The following CD109 variants were observed in gnomAD, a reference collection of about 807,000 sequenced individuals.
CD109 encodes CD109 antigen.
In CD109, 149 loss-of-function variants were observed where a neutral mutation model predicts 165.8. The ratio of observed to expected loss-of-function variants is 0.90; its 90% CI spans 0.79 to 1.03. The LOEUF (loss-of-function observed/expected upper bound fraction) is 1.03. Ranked by LOEUF, CD109 falls within the 50% of genes least tolerant of loss-of-function variation. The pLI is 0.00. For synonymous variants in CD109, 585 were observed against 592.1 expected (o/e 0.99, Z 0.18); for missense variants, 1,712 against 1,677.8 (o/e 1.02, Z -0.36).
chr6:73,802,802 C>T (rs938613589), intron 23 of CD109, among the ~76,000 whole-genome samples: 77 of 151,036 alleles, frequency 5.1e-4, no homozygotes, highest in African/African-American at 1.6e-3. Flanking sequence ...TGGGTTCAAG[C>T]GATTCTCCTG....
At chr6:73,726,751 G>T (rs770143963) in intron 3 of CD109, among the ~76,000 whole-genome samples, 1 of 152,058 alleles carries the variant, frequency 6.6e-6, no homozygotes, top group Non-Finnish European at 1.5e-5. Context: ...CGAAATAGAT[G>T]TGCCTAAGTG....
intron 2 of CD109, among the ~76,000 whole-genome samples, chr6:73,708,506 A>G (rs1007363963): frequency 5.9e-5 from 9 of 152,204 alleles, no homozygotes; most frequent in Non-Finnish European, 1.0e-4. Flanking sequence ...TCCTTTGGGT[A>G]TATACCCAGT....
intron 3 of CD109, among the ~76,000 whole-genome samples, chr6:73,727,314 T>C (rs896611789): frequency 1.3e-5 from 2 of 152,020 alleles, no homozygotes; most frequent in African/African-American, 4.8e-5. Context: ...TGATGCCCCA[T>C]GCTTCATACA....
chr6:73,688,792 C>G, the CD109 span, among the ~76,000 whole-genome samples: 1 of 83,906 alleles, frequency 1.2e-5, no homozygotes, highest in Non-Finnish European at 2.1e-5. Context: ...TTTTTTGAGA[C>G]AGGGTCTCCT....
chr6:73,696,068 T>A (rs1562014903), upstream of CD109: 1 of 703,164 alleles, frequency 1.4e-6, no homozygotes, highest in Non-Finnish European at 2.4e-6. Context: ...AATTTAGATC[T>A]CTCACTCTGC....
chr6:73,710,774 A>G (rs1314887290), intron 2 of CD109, among the ~76,000 whole-genome samples: 1 of 152,154 alleles, frequency 6.6e-6, no homozygotes, highest in Non-Finnish European at 1.5e-5. Context: ...AGAGAGCCAC[A>G]GGGGTCGGCA....
chr6:73,756,852 A>C (rs557144233), intron 6 of CD109, among the ~76,000 whole-genome samples, 170 bp downstream of exon 6: 4 of 152,228 alleles, frequency 2.6e-5, no homozygotes, highest in South Asian at 4.1e-4. Flanking sequence ...AAAATTCTAA[A>C]ATCTCATTAT....
chr6:73,756,663 ATTTCAGG>A lies in CD109; in HGVS notation c.661_667del (p.Val221AsnfsTer9), dbSNP rs757114505. On this transcript the variant is annotated frameshift_variant, in exon 6 of 33. Transcript: ENST00000287097. LOFTEE classifies it high-confidence loss of function. Reference sequence around the variant, plus strand: ...AATAGGACCAGACATACTATCAATCATTTCAGGTTTCAGAATATGGTAAGAGTTCCTC... The same window carrying A: ...AATAGGACCAGACATACTATCAATCATTTCAGAATATGGTAAGAGTTCCTC... The A allele has an allele frequency of 6.5e-7, 1 of 1,548,610 alleles. No individual in the cohort carries two copies. Among genetic ancestry groups the A allele is most frequent in the Non-Finnish European group, 8.7e-7 (1 of 1,146,638 alleles).
chr6:73,725,390 T>C (rs1363384159), intron 3 of CD109, among the ~76,000 whole-genome samples: 1 of 152,014 alleles, frequency 6.6e-6, no homozygotes, highest in Non-Finnish European at 1.5e-5. Context: ...ACCGGAAGTG[T>C]AGAAAGGCTG....
At chr6:73,785,683 C>G (rs1468114895) in intron 20 of CD109, among the ~76,000 whole-genome samples, 1 of 152,118 alleles carries the variant, frequency 6.6e-6, no homozygotes, top group Non-Finnish European at 1.5e-5. Flanking sequence ...CACATTACCT[C>G]CTTGAATTTT....
rs62438713 is a variant in CD109 at position 73,799,857 on chromosome 6, A to C, written c.2879-3363A>C. Among the ~76,000 whole-genome samples the C allele has an allele frequency of 2.8e-3, 319 of 111,996 alleles. 1 individual carries two copies. The highest frequency in any genetic ancestry group is 5.1e-3 in the African/African-American group (145 of 28,172). 73.5% of individuals were successfully genotyped at this position (111,996 alleles called of 152,430 possible). A position where few individuals can be genotyped will look rare whatever the true frequency, so the allele number is the denominator to read the frequency against. On this transcript the variant is annotated intron_variant, in intron 23 of 32. Transcript: ENST00000287097. ...TATATGTTTTCTCATTTCCCCCCGC[A>C]ATTTTTTTTTTTTTTTTAAAGACAG...
intron 2 of CD109, among the ~76,000 whole-genome samples, chr6:73,701,284 A>T (rs1771069193): frequency 6.6e-6 from 1 of 152,190 alleles, no homozygotes; most frequent in South Asian, 2.1e-4. Context: ...CATCAGCTCC[A>T]TAGTGATTAG....
the CD109 span, among the ~76,000 whole-genome samples, chr6:73,681,346 G>GTGTGTGTGTGTGTGTGTGTT: frequency 3.3e-5 from 5 of 151,988 alleles, no homozygotes; most frequent in African/African-American, 1.2e-4. Context: ...GTGTGTGTGT[G>GTGTGTGTGTGTGTGTGTGTT]TGTGTGTGTG....
At chr6:73,722,529 A>G (rs1355792431) in intron 2 of CD109, among the ~76,000 whole-genome samples, 5 of 152,154 alleles carry the variant, frequency 3.3e-5, no homozygotes, top group Non-Finnish European at 7.3e-5. Flanking sequence ...GGCTTCCTGG[A>G]GGAGAGGGAC....
At chr6:73,702,318 C>T (rs1457309132) in intron 2 of CD109, among the ~76,000 whole-genome samples, 1 of 152,082 alleles carries the variant, frequency 6.6e-6, no homozygotes, top group African/African-American at 2.4e-5. Context: ...CTTAAAAAAT[C>T]ATCCAATTTG....
intron 32 of CD109, among the ~76,000 whole-genome samples, chr6:73,822,138 A>G (rs1254273921): frequency 6.6e-6 from 1 of 152,198 alleles, no homozygotes; most frequent in African/African-American, 2.4e-5. Flanking sequence ...AAAAATAGAG[A>G]GCTGGTCTGG....
At chr6:73,710,597 A>T (rs1164739645) in intron 2 of CD109, among the ~76,000 whole-genome samples, 2 of 152,056 alleles carry the variant, frequency 1.3e-5, no homozygotes, top group Non-Finnish European at 2.9e-5. Context: ...CACCGAGGGA[A>T]TGTTAACTAT....
the CD109 span, among the ~76,000 whole-genome samples, chr6:73,687,818 C>CG: frequency 6.6e-6 from 1 of 152,110 alleles, no homozygotes; most frequent in South Asian, 2.1e-4. Flanking sequence ...CTACCATGAC[C>CG]GCAAGAAGGA....
chr6:73,782,437 T>C (rs751284563), intron 17 of CD109, among the ~76,000 whole-genome samples, 177 bp from the exon 18 acceptor site: 6 of 152,232 alleles, frequency 3.9e-5, no homozygotes, highest in Non-Finnish European at 8.8e-5. Context: ...CTGTATCCTT[T>C]ACCTTTTCTG....
Sources: allele counts gnomAD v4.1 joint callset (sites outside exome capture counted in the v4.1 genomes callset), GRCh38; gene constraint gnomAD v4.1.1; transcripts MANE v1.5; gene names NCBI Gene and HGNC (gene_info 2026-07-23, HGNC 2026-07-21).